The following LIMD2 variants were observed in gnomAD, a reference collection of about 807,000 sequenced individuals.
The protein encoded by LIMD2 is LIM domain containing 2.
Under a neutral mutation model 16.0 loss-of-function variants are expected in LIMD2, and 11 were observed. That is an observed-to-expected ratio of 0.69 (90% CI 0.43 to 1.14). LIMD2 has a LOEUF of 1.14. Ranked by LOEUF, LIMD2 falls within the 50% of genes most tolerant of loss-of-function variation. The pLI, the probability that LIMD2 is intolerant of heterozygous loss-of-function variation, is 0.00. For synonymous variants in LIMD2, 60 were observed against 67.1 expected, an observed-to-expected ratio of 0.89 and a Z score of 0.52; for missense variants, 168 against 165.8, an observed-to-expected ratio of 1.01 and a Z score of -0.07.
At chr17:63,700,171 G>T (rs1250257127), upstream of LIMD2, 1 of 979,336 alleles carries the variant, frequency 1.0e-6, no homozygotes, top group Non-Finnish European at 1.2e-6. The surrounding 1 kb of genome is among the most constrained non-coding windows in gnomAD (Gnocchi z 7.1). Flanking sequence ...CACCGCCCCC[G>T]CCGGCCCCCG....
Position 63,699,231 on chromosome 17 carries a change from G to A in LIMD2, c.42+26C>T, listed in dbSNP as rs748491131. 7.5e-6 allele frequency: 12 copies of A among 1,610,364 alleles called. No homozygotes were observed. The African/African-American group carries it at 1.5e-4, about 20-fold the overall frequency. On this transcript the variant is annotated intron_variant, in intron 2 of 4. Coordinates refer to ENST00000259006, the MANE Select transcript of LIMD2 (RefSeq NM_030576.4). ...CCCAGGCCAGGCTCCTGTCCGGGGGGCCCTCCCACCCAGCCGGGCACTTAC... is the reference window on the plus strand; with the variant it reads ...CCCAGGCCAGGCTCCTGTCCGGGGGACCCTCCCACCCAGCCGGGCACTTAC...
In LIMD2 at chr17:63,700,100, G is replaced by A; in HGVS notation, c.-119C>T. ...GCACGGGTACGAGGAGGGCGCGGGC[G>A]CGAGCTGCTGCCGCTACCAGTGGTC... is the stretch of plus-strand genomic sequence containing the variant. On this transcript the variant is annotated 5_prime_UTR_variant, in exon 1 of 5. Coordinates refer to ENST00000259006, the MANE Select transcript of LIMD2 (RefSeq NM_030576.4). The surrounding 1 kb of genome is among the most constrained non-coding windows in gnomAD (Gnocchi z 7.1). 1 of 984,608 alleles carries A rather than the reference G, an allele frequency of 1.0e-6. No individual in the cohort carries two copies. Among genetic ancestry groups the A allele is most frequent in the Non-Finnish European group, 1.2e-6 (1 of 829,344 alleles). The allele number at this position is 984,608 out of a possible 1,614,324, so 61.0% of individuals were successfully genotyped here.
rs978021477 is a variant in LIMD2, at chr17:63,698,405, A to C, written c.*147T>G. The C allele has an allele frequency of 2.2e-6, 2 of 908,692 alleles. No individual in the cohort carries two copies. Among genetic ancestry groups the C allele is most frequent in the East Asian group, 2.6e-5 (1 of 37,776 alleles). 56.3% of individuals were successfully genotyped at this position (908,692 alleles called of 1,614,324 possible). On this transcript the variant is annotated 3_prime_UTR_variant, in exon 5 of 5. Transcript: ENST00000259006. The stretch of plus-strand genomic sequence containing the variant: ...AGAAGGAAGAAGGAAGGAGTCCTGG[A>C]GCAGAGCCCTGCCCTGGTCCCCTAC...
intron 1 of LIMD2, 46 bp from the exon 2 acceptor site, chr17:63,699,394 G>T: frequency 1.3e-6 from 2 of 1,494,030 alleles, no homozygotes; most frequent in Non-Finnish European, 1.8e-6. Flanking sequence ...CCCGGCCCCA[G>T]CCTGCAGGGT....
rs1328227456 is a variant in LIMD2 at position 63,696,451 on chromosome 17, A to T, written c.*2101T>A. On this transcript the variant is annotated 3_prime_UTR_variant, in exon 5 of 5. Transcript: ENST00000259006. ...CTCCAAGTAGAGGGGTCCTGGGGTGATCTGGCTGATACCATTGTCAGTCCA... is the reference window on the plus strand; with the variant it reads ...CTCCAAGTAGAGGGGTCCTGGGGTGTTCTGGCTGATACCATTGTCAGTCCA... 1 of 152,202 alleles carries T rather than the reference A, an allele frequency of 6.6e-6. No individual in the cohort carries two copies. The highest frequency in any genetic ancestry group is 2.4e-5 in the African/African-American group (1 of 41,306). The allele number at this position is 152,202 out of a possible 1,614,324, so 9.4% of individuals were successfully genotyped here.
At position 63,699,334 on chromosome 17, in the gene LIMD2, G is replaced by A. The variant is rs1460779692; in HGVS notation, c.-36C>T. ...AGGTGGAAGCCTCGGGTGGAGAAGC[G>A]GCACCCGCTGGGTTCTGCAAGGGGA... On this transcript the variant is annotated 5_prime_UTR_variant, in exon 2 of 5. Transcript: ENST00000259006. 6.3e-7 allele frequency: 1 copy of A among 1,587,166 alleles called. No homozygotes were observed. Among genetic ancestry groups the A allele is most frequent in the South Asian group, 1.1e-5 (1 of 87,374 alleles).
In LIMD2 at chr17:63,698,196, A is replaced by C; in HGVS notation, c.*356T>G. The C allele has an allele frequency of 3.7e-6, 1 of 272,542 alleles. No homozygotes were observed. The highest frequency in any genetic ancestry group is 7.1e-6 in the Non-Finnish European group (1 of 140,174). 16.9% of individuals were successfully genotyped at this position (272,542 alleles called of 1,614,324 possible). A position where few individuals can be genotyped will look rare whatever the true frequency, so the allele number is the denominator to read the frequency against. On this transcript the variant is annotated 3_prime_UTR_variant, in exon 5 of 5. Coordinates refer to ENST00000259006, the MANE Select transcript of LIMD2 (RefSeq NM_030576.4). ...ACACAGTCTCCGGTGGCAGTGAGGG[A>C]GCTTGGGACCCTGAGGGGGGCATGC...
Position 63,698,345 on chromosome 17 carries a change from C to CCAAT in LIMD2, c.*203_*206dup. 1 of 648,146 alleles carries CCAAT rather than the reference C, an allele frequency of 1.5e-6. No individual in the cohort carries two copies. Among genetic ancestry groups the CCAAT allele is most frequent in the Non-Finnish European group, 2.6e-6 (1 of 382,964 alleles). 40.1% of individuals were successfully genotyped at this position (648,146 alleles called of 1,614,324 possible). ...CAGGAAGCAGGGTGGTGGGCAGACCCCAATCCTGGTTTCCAAACCCTCACC... is the reference window on the plus strand; with the variant it reads ...CAGGAAGCAGGGTGGTGGGCAGACCCCAATCAATCCTGGTTTCCAAACCCTCACC... On this transcript the variant is annotated 3_prime_UTR_variant, in exon 5 of 5. Coordinates refer to ENST00000259006, the MANE Select transcript of LIMD2 (RefSeq NM_030576.4).
chr17:63,699,332 G>C lies in LIMD2; in HGVS notation c.-34C>G. The C allele has an allele frequency of 6.3e-7, 1 of 1,590,606 alleles. No individual in the cohort carries two copies. The highest frequency in any genetic ancestry group is 2.3e-5 in the East Asian group (1 of 44,426). On this transcript the variant is annotated 5_prime_UTR_variant, in exon 2 of 5. Coordinates refer to ENST00000259006, the MANE Select transcript of LIMD2 (RefSeq NM_030576.4). ...GGAGGTGGAAGCCTCGGGTGGAGAA[G>C]CGGCACCCGCTGGGTTCTGCAAGGG...
chr17:63,699,567 A>T, intron 1 of LIMD2: 1 of 430,944 alleles, frequency 2.3e-6, no homozygotes, highest in Middle Eastern at 6.5e-4. Flanking sequence ...GGAAGAACAA[A>T]GTTAGCGGGA....
In LIMD2 at chr17:63,698,430, C is replaced by T. The variant is rs1161362242; in HGVS notation, c.*122G>A. ...AGCAGAGCCCTGCCCTGGTCCCCTA[C>T]GCCTGAGCAAGCCTCATCCCCTTCC... is the stretch of plus-strand genomic sequence containing the variant. On this transcript the variant is annotated 3_prime_UTR_variant, in exon 5 of 5. Coordinates refer to ENST00000259006, the MANE Select transcript of LIMD2 (RefSeq NM_030576.4). The T allele has an allele frequency of 1.8e-5, 20 of 1,134,382 alleles. No individual in the cohort carries two copies. The highest frequency in any genetic ancestry group is 1.2e-4 in the African/African-American group (8 of 64,318). 70.3% of individuals were successfully genotyped at this position (1,134,382 alleles called of 1,614,324 possible).
rs1047168614 is a variant in LIMD2 at position 63,697,360 on chromosome 17, C to G, written c.*1192G>C. 8 of 152,236 alleles carry G rather than the reference C, an allele frequency of 5.3e-5. No individual in the cohort carries two copies. The highest frequency in any genetic ancestry group is 7.3e-5 in the Non-Finnish European group (5 of 68,070). 9.4% of individuals were successfully genotyped at this position (152,236 alleles called of 1,614,324 possible). On this transcript the variant is annotated 3_prime_UTR_variant, in exon 5 of 5. Coordinates refer to ENST00000259006, the MANE Select transcript of LIMD2 (RefSeq NM_030576.4). Reference sequence around the variant, plus strand: ...GCTGGGTCTGCTGGTTACCGCCATTCTTCGCTAACTTACTTCCAGGTCAAA... The same window carrying G: ...GCTGGGTCTGCTGGTTACCGCCATTGTTCGCTAACTTACTTCCAGGTCAAA...
In LIMD2 at chr17:63,698,282, G is replaced by A. The variant is rs2035722562; in HGVS notation, c.*270C>T. The A allele has an allele frequency of 2.0e-6, 1 of 496,482 alleles. No homozygotes were observed. The highest frequency in any genetic ancestry group is 3.6e-6 in the Non-Finnish European group (1 of 276,106). 30.8% of individuals were successfully genotyped at this position (496,482 alleles called of 1,614,324 possible). A position where few individuals can be genotyped will look rare whatever the true frequency, so the allele number is the denominator to read the frequency against. On this transcript the variant is annotated 3_prime_UTR_variant, in exon 5 of 5. Transcript: ENST00000259006. Reference sequence around the variant, plus strand: ...GAGCTGGGCTTGGGGGCCTCCCAGGGGGTCCTGGGGTGAGGTGGGGAGGGA... The same window carrying A: ...GAGCTGGGCTTGGGGGCCTCCCAGGAGGTCCTGGGGTGAGGTGGGGAGGGA...
chr17:63,700,769 G>A (rs1435178269), upstream of LIMD2: 1 of 151,380 alleles, frequency 6.6e-6, no homozygotes, highest in African/African-American at 2.4e-5. The surrounding 1 kb of genome is among the most constrained non-coding windows in gnomAD (Gnocchi z 7.1). Flanking sequence ...CGGTCTCCAG[G>A]CCCGGCCGCG....
In LIMD2 at chr17:63,699,318, C is replaced by T. The variant is rs371866355; in HGVS notation, c.-20G>A. ...GAACATGGCTCGTTGGAGGTGGAAG[C>T]CTCGGGTGGAGAAGCGGCACCCGCT... On this transcript the variant is annotated 5_prime_UTR_variant, in exon 2 of 5. Coordinates refer to ENST00000259006, the MANE Select transcript of LIMD2 (RefSeq NM_030576.4). 8 of 1,598,956 alleles carry T rather than the reference C, an allele frequency of 5.0e-6. No homozygotes were observed. The highest frequency in any genetic ancestry group is 4.5e-5 in the East Asian group (2 of 44,546).
chr17:63,700,821 G>GCAGCCCCGGCAGCCCCCC (rs1299978443), upstream of LIMD2: 4 of 151,850 alleles, frequency 2.6e-5, no homozygotes, highest in Non-Finnish European at 5.9e-5. The surrounding 1 kb of genome is among the most constrained non-coding windows in gnomAD (Gnocchi z 7.1). Flanking sequence ...GGCAGCCCCG[G>GCAGCCCCGGCAGCCCCCC]CAGCCCCCCC....
chr17:63,698,230 T>G lies in LIMD2; in HGVS notation c.*322A>C. On this transcript the variant is annotated 3_prime_UTR_variant, in exon 5 of 5. Coordinates refer to ENST00000259006, the MANE Select transcript of LIMD2 (RefSeq NM_030576.4). ...CCCTGAGGGGGGCATGCTGACTCCTTGCTGGAGAAAAGGCACCTAGATAGG... is the reference window on the plus strand; with the variant it reads ...CCCTGAGGGGGGCATGCTGACTCCTGGCTGGAGAAAAGGCACCTAGATAGG... The G allele has an allele frequency of 2.9e-6, 1 of 347,622 alleles. No individual in the cohort carries two copies. The highest frequency in any genetic ancestry group is 5.4e-6 in the Non-Finnish European group (1 of 185,356). 21.5% of individuals were successfully genotyped at this position (347,622 alleles called of 1,614,324 possible).
chr17:63,698,283 G>T lies in LIMD2; in HGVS notation c.*269C>A, dbSNP rs2035722605. 1 of 499,834 alleles carries T rather than the reference G, an allele frequency of 2.0e-6. No individual in the cohort carries two copies. Among genetic ancestry groups the T allele is most frequent in the Non-Finnish European group, 3.6e-6 (1 of 278,158 alleles). The allele number at this position is 499,834 out of a possible 1,614,324, so 31.0% of individuals were successfully genotyped here. A position where few individuals can be genotyped will look rare whatever the true frequency, so the allele number is the denominator to read the frequency against. ...AGCTGGGCTTGGGGGCCTCCCAGGG[G>T]GTCCTGGGGTGAGGTGGGGAGGGAG... On this transcript the variant is annotated 3_prime_UTR_variant, in exon 5 of 5. Transcript: ENST00000259006.
Position 63,698,448 on chromosome 17 carries a change from C to T in LIMD2, c.*104G>A. The stretch of plus-strand genomic sequence containing the variant: ...TCCCCTACGCCTGAGCAAGCCTCAT[C>T]CCCTTCCCACCTGGCCCCCACGCAA... On this transcript the variant is annotated 3_prime_UTR_variant, in exon 5 of 5. Transcript: ENST00000259006. 7.5e-7 allele frequency: 1 copy of T among 1,332,982 alleles called. No homozygotes were observed. Among genetic ancestry groups the T allele is most frequent in the Non-Finnish European group, 1.0e-6 (1 of 979,514 alleles). 82.6% of individuals were successfully genotyped at this position (1,332,982 alleles called of 1,614,324 possible). A position where few individuals can be genotyped will look rare whatever the true frequency, so the allele number is the denominator to read the frequency against.
Sources: allele counts gnomAD v4.1 joint callset, GRCh38; gene constraint gnomAD v4.1.1; non-coding constraint Gnocchi (gnomAD v3.1); transcripts MANE v1.5; gene names NCBI Gene and HGNC (gene_info 2026-07-23, HGNC 2026-07-21).